Variants in TMEM117 observed in about 807,000 individuals in gnomAD.
TMEM117 encodes transmembrane protein 117.
A neutral mutation model predicts 52.4 loss-of-function variants in TMEM117; 27 were observed. The ratio of observed to expected loss-of-function variants is 0.51; its 90% CI spans 0.38 to 0.71. TMEM117 has a LOEUF of 0.71. Ranked by LOEUF, TMEM117 falls within the 30% of genes least tolerant of loss-of-function variation. The pLI is 0.00. For synonymous variants in TMEM117, 215 were observed against 206.3 expected, an observed-to-expected ratio of 1.04 and a Z score of -0.36; for missense variants, 556 against 630.5, an observed-to-expected ratio of 0.88 and a Z score of 1.26.
rs180998863 is a variant in TMEM117 at position 44,198,957 on chromosome 12, G to A, written c.511-12333G>A. ...TGTTGGGAGAAACTTTGGGAAATAT[G>A]ACTGTAGTGTATTTGGGACTTTATA... On this transcript the variant is annotated intron_variant, in intron 4 of 7. Coordinates refer to ENST00000266534, the MANE Select transcript of TMEM117 (RefSeq NM_032256.3). Among the ~76,000 whole-genome samples, 828 of 152,264 alleles carry A rather than the reference G, an allele frequency of 5.4e-3. 8 individuals are homozygous for A. Among genetic ancestry groups the A allele is most frequent in the Middle Eastern group, 0.031 (9 of 294 alleles).
At position 44,388,922 on chromosome 12, in the gene TMEM117, T is replaced by C. The variant is rs1952134581; in HGVS notation, c.*250T>C. ...CAATTGCACAAGCTATTACTGACTT[T>C]ACAGCATAGTGGAAGATTAGCTGAT... On this transcript the variant is annotated 3_prime_UTR_variant, in exon 8 of 8. Coordinates refer to ENST00000266534, the MANE Select transcript of TMEM117 (RefSeq NM_032256.3). The C allele has an allele frequency of 1.1e-5, 5 of 452,786 alleles. No individual in the cohort carries two copies. The highest frequency in any genetic ancestry group is 3.8e-5 in the East Asian group (1 of 26,384). 28.0% of individuals were successfully genotyped at this position (452,786 alleles called of 1,614,324 possible). A position where few individuals can be genotyped will look rare whatever the true frequency, so the allele number is the denominator to read the frequency against.
chr12:44,304,789 G>T (rs1426205015), intron 6 of TMEM117, among the ~76,000 whole-genome samples: 1 of 152,174 alleles, frequency 6.6e-6, no homozygotes, highest in African/African-American at 2.4e-5. Flanking sequence ...GGGCCCTTGG[G>T]CCTTAAATGA....
intron 3 of TMEM117, among the ~76,000 whole-genome samples, chr12:43,945,763 A>G (rs1945121865): frequency 6.6e-6 from 1 of 152,206 alleles, no homozygotes; most frequent in African/African-American, 2.4e-5. Flanking sequence ...ATTTTCCCCA[A>G]TAGATCAGAA....
chr12:44,144,791 T>C (rs1948618103), intron 4 of TMEM117, among the ~76,000 whole-genome samples: 1 of 152,122 alleles, frequency 6.6e-6, no homozygotes, highest in Non-Finnish European at 1.5e-5. Flanking sequence ...TGAAAAATGA[T>C]TTATTTGTAA....
intron 4 of TMEM117, among the ~76,000 whole-genome samples, chr12:44,172,515 A>G (rs1949060946): frequency 6.6e-6 from 1 of 152,178 alleles, no homozygotes; most frequent in Non-Finnish European, 1.5e-5. Flanking sequence ...GACACCAGTC[A>G]TATTGGATTA....
chr12:44,194,267 C>T (rs927599026), intron 4 of TMEM117, among the ~76,000 whole-genome samples: 6 of 152,040 alleles, frequency 3.9e-5, no homozygotes, highest in African/African-American at 1.2e-4. Context: ...TGATTTCTTT[C>T]GGAAAAAGCT....
chr12:43,839,285 C>T (rs1943080817), intron 1 of TMEM117, among the ~76,000 whole-genome samples: 1 of 152,084 alleles, frequency 6.6e-6, no homozygotes, highest in Non-Finnish European at 1.5e-5. Context: ...CAGATTGTGT[C>T]CCTCCTCTGC....
intron 6 of TMEM117, among the ~76,000 whole-genome samples, chr12:44,352,291 G>A (rs1390792520): frequency 2.6e-5 from 4 of 151,426 alleles, no homozygotes; most frequent in Middle Eastern, 3.4e-3. Flanking sequence ...TTGTTTTTTT[G>A]TTTTTTTAAA....
chr12:44,121,042 GT>G (rs1288626681), intron 3 of TMEM117, among the ~76,000 whole-genome samples: 1 of 152,182 alleles, frequency 6.6e-6, no homozygotes, highest in Non-Finnish European at 1.5e-5. Flanking sequence ...TGAGAGGCAC[GT>G]GTTACATGGT....
chr12:44,133,670 TA>T (rs1346490597), intron 3 of TMEM117, among the ~76,000 whole-genome samples: 2 of 152,184 alleles, frequency 1.3e-5, no homozygotes, highest in Admixed American at 6.5e-5. Context: ...AATTCACTTC[TA>T]ATTTGAAGGG....
chr12:43,998,454 G>A (rs563568130), intron 3 of TMEM117, among the ~76,000 whole-genome samples: 27 of 152,092 alleles, frequency 1.8e-4, no homozygotes, highest in African/African-American at 6.5e-4. Flanking sequence ...CTTTTAATTG[G>A]TGTTTCTAGA....
At chr12:44,175,655 A>G (rs371366617) in intron 4 of TMEM117, among the ~76,000 whole-genome samples, 4 of 152,184 alleles carry the variant, frequency 2.6e-5, no homozygotes, top group Non-Finnish European at 4.4e-5. Context: ...TAAAGGCCCA[A>G]TGAATACCAC....
intron 5 of TMEM117, among the ~76,000 whole-genome samples, chr12:44,284,457 A>G (rs1045579918): frequency 6.6e-6 from 1 of 152,230 alleles, no homozygotes; most frequent in African/African-American, 2.4e-5. Flanking sequence ...ACAGACTAAT[A>G]CAATTTCCCT....
At chr12:44,135,553 T>C (rs1592547816) in intron 3 of TMEM117, among the ~76,000 whole-genome samples, 1 of 151,976 alleles carries the variant, frequency 6.6e-6, no homozygotes, top group Non-Finnish European at 1.5e-5. Context: ...ATGGAGTAAA[T>C]CATTGGGAAA....
chr12:44,342,963 C>T (rs1415569197), intron 6 of TMEM117, among the ~76,000 whole-genome samples: 1 of 152,036 alleles, frequency 6.6e-6, no homozygotes. Context: ...CCCTCACCTC[C>T]TTCCCCTTCT....
intron 5 of TMEM117, among the ~76,000 whole-genome samples, chr12:44,217,740 G>C (rs907819650): frequency 2.6e-5 from 4 of 152,158 alleles, no homozygotes; most frequent in African/African-American, 9.7e-5. Context: ...AGAAACCAAA[G>C]AGGAACCAAT....
At chr12:44,391,422 T>C (rs765973698), downstream of TMEM117, among the ~76,000 whole-genome samples, 5 of 152,180 alleles carry the variant, frequency 3.3e-5, no homozygotes, top group Non-Finnish European at 7.3e-5. Context: ...TTAAGAATTA[T>C]TTCTTCTCCA....
intron 6 of TMEM117, among the ~76,000 whole-genome samples, chr12:44,367,238 C>T (rs985878592): frequency 6.6e-6 from 1 of 152,130 alleles, no homozygotes; most frequent in African/African-American, 2.4e-5. Flanking sequence ...TCTCACCTCC[C>T]ATTTTCTCTT....
chr12:43,920,984 G>A (rs988258517), intron 2 of TMEM117, among the ~76,000 whole-genome samples: 1 of 151,882 alleles, frequency 6.6e-6, no homozygotes, highest in Non-Finnish European at 1.5e-5. Context: ...CCACTTCTAC[G>A]CTTTTACTTA....
Sources: gnomAD v4.1 joint callset for allele counts (sites outside exome capture counted in the v4.1 genomes callset) on GRCh38, gnomAD v4.1.1 for gene constraint, MANE v1.5 for transcripts, NCBI Gene and HGNC (gene_info 2026-07-23, HGNC 2026-07-21) for gene names.